SLC22A24: variants seen among roughly 807,000 people sequenced by gnomAD.
The protein encoded by SLC22A24 is steroid transmembrane transporter SLC22A24.
A neutral mutation model predicts 49.8 loss-of-function variants in SLC22A24; 53 were observed. The observed-to-expected ratio is 1.06, with a 90% CI of 0.85 to 1.34. The LOEUF is 1.34. Among genes scored for constraint, SLC22A24 ranks in the 40% most tolerant of loss-of-function variants. SLC22A24 has a pLI of 0.00. For missense variants in SLC22A24, 786 were observed against 675.9 expected (o/e 1.16, Z -1.81); for synonymous variants, 302 against 256.4 (o/e 1.18, Z -1.70).
intron 2 of SLC22A24, among the ~76,000 whole-genome samples, chr11:63,124,284 A>G (rs1385068624): frequency 6.6e-6 from 1 of 152,162 alleles, no homozygotes. Context: ...AATACTGTTG[A>G]GTGTCATCTA....
At chr11:63,106,041 A>C (rs1173429677) in intron 4 of SLC22A24, among the ~76,000 whole-genome samples, 2 of 151,290 alleles carry the variant, frequency 1.3e-5, no homozygotes, top group Non-Finnish European at 1.5e-5. Context: ...TTAACTCGTC[A>C]TTTAGCATTA....
intron 2 of SLC22A24, 125 bp from the exon 3 acceptor site, chr11:63,119,460 C>G: frequency 1.1e-6 from 1 of 907,256 alleles, no homozygotes; most frequent in South Asian, 1.9e-5. Context: ...TGCTTGACAC[C>G]GGGTGGCATA....
intron 1 of SLC22A24, among the ~76,000 whole-genome samples, chr11:63,137,356 T>G (rs1349711199): frequency 6.6e-6 from 1 of 152,138 alleles, no homozygotes; most frequent in East Asian, 1.9e-4. Context: ...GTGAAAGGGA[T>G]CTCACAAGGG....
intron 6 of SLC22A24, among the ~76,000 whole-genome samples, chr11:63,086,408 C>G (rs2086987311): frequency 1.3e-5 from 2 of 152,122 alleles, no homozygotes; most frequent in Admixed American, 1.3e-4. Flanking sequence ...AGCTAGAGGC[C>G]ATTATCCTAA....
chr11:63,131,124 T>C (rs2134678018), intron 2 of SLC22A24, among the ~76,000 whole-genome samples: 1 of 152,276 alleles, frequency 6.6e-6, no homozygotes, highest in Non-Finnish European at 1.5e-5. Flanking sequence ...TTCCATTTGC[T>C]TGGTAGATCT....
In SLC22A24 at chr11:63,119,015, C is replaced by T. The variant is rs577995690; in HGVS notation, c.727G>A (p.Val243Ile). ...TIMVLLCSYS[V>I]GQMLLGGLAF... is the part of the protein sequence containing the mutation. ...AGCCCTCCTAGGAGCATCTGCCCAA[C>T]ACTGTAGGAACATAATAGCACCATT... Residue 243 changes from valine to isoleucine, a missense_variant, in exon 4 of 10, where the codon GTT becomes ATT. By Grantham distance (29) the Val-to-Ile change is conservative. Transcript: ENST00000612278. The T allele has an allele frequency of 2.1e-5, 32 of 1,551,682 alleles. No individual in the cohort carries two copies. The East Asian group carries it at 6.6e-4, about 32-fold the overall frequency.
At position 63,113,679 on chromosome 11, in the gene SLC22A24, C is replaced by A. The variant is rs565394793; in HGVS notation, c.830+5233G>T. On this transcript the variant is annotated intron_variant, in intron 4 of 9. Coordinates refer to ENST00000612278, the MANE Select transcript of SLC22A24 (RefSeq NM_001136506.2). ...GAACATCCTGGCTAATGCAGTGAAA[C>A]CCCATCTCTACTAAAAATACAAAAA... is the stretch of plus-strand genomic sequence containing the variant. 2.6e-4 allele frequency among the ~76,000 whole-genome samples: 40 copies of A among 152,008 alleles called. 1 individual carries two copies. In the South Asian group the frequency reaches 8.1e-3, roughly 31 times the overall value.
intron 9 of SLC22A24, among the ~76,000 whole-genome samples, 185 bp downstream of exon 9, chr11:63,080,735 G>A (rs957936451): frequency 6.6e-6 from 1 of 152,184 alleles, no homozygotes; most frequent in Non-Finnish European, 1.5e-5. Flanking sequence ...GGCCTCAAGA[G>A]TCTGACTCCA....
chr11:63,082,689 T>C (rs2086966704), intron 7 of SLC22A24, among the ~76,000 whole-genome samples: 1 of 152,252 alleles, frequency 6.6e-6, no homozygotes, highest in South Asian at 2.1e-4. Flanking sequence ...TCATTTATGG[T>C]TGAAGACAAG....
chr11:63,133,934 C>G (rs549090149), intron 2 of SLC22A24, among the ~76,000 whole-genome samples: 19 of 152,284 alleles, frequency 1.2e-4, no homozygotes, highest in Non-Finnish European at 2.5e-4. Context: ...CGTGAGCCAC[C>G]GTGCCCACTC....
Position 63,119,006 on chromosome 11 carries a change from T to C in SLC22A24, c.736A>G (p.Met246Val). The change falls in exon 4 of 10, where the codon ATG becomes GTG. Residue 246 changes from methionine (M) to valine (V), a missense_variant. By Grantham distance (21) the Met-to-Val change is conservative (BLOSUM62 1). Coordinates refer to ENST00000612278, the MANE Select transcript of SLC22A24 (RefSeq NM_001136506.2). ...VLLCSYSVGQ[M>V]LLGGLAFAIQ... is the part of the protein sequence containing the mutation. The stretch of plus-strand genomic sequence containing the variant: ...GCAAAAGCCAGCCCTCCTAGGAGCA[T>C]CTGCCCAACACTGTAGGAACATAAT... The C allele has an allele frequency of 6.4e-6, 10 of 1,551,762 alleles. No homozygotes were observed. Among genetic ancestry groups the C allele is most frequent in the Non-Finnish European group, 8.7e-6 (10 of 1,146,950 alleles).
chr11:63,093,846 G>A (rs759485638), intron 6 of SLC22A24, among the ~76,000 whole-genome samples: 1 of 151,816 alleles, frequency 6.6e-6, no homozygotes, highest in East Asian at 1.9e-4. Flanking sequence ...AACTTAAAAT[G>A]TAAGTTAAAA....
At chr11:63,086,751 A>G (rs941450988) in intron 6 of SLC22A24, among the ~76,000 whole-genome samples, 34 of 152,326 alleles carry the variant, frequency 2.2e-4, no homozygotes, top group African/African-American at 8.2e-4. Flanking sequence ...ATTTAGAATA[A>G]AAATACAATA....
At chr11:63,100,341 A>G (rs1014262409) in intron 5 of SLC22A24, among the ~76,000 whole-genome samples, 8 of 152,130 alleles carry the variant, frequency 5.3e-5, no homozygotes, top group Admixed American at 2.0e-4. Context: ...TAAAATACCT[A>G]GGAATAAATT....
chr11:63,141,870 G>A (rs987647648), intron 1 of SLC22A24, among the ~76,000 whole-genome samples: 20 of 152,210 alleles, frequency 1.3e-4, no homozygotes, highest in African/African-American at 4.6e-4. Context: ...ATCATAATTT[G>A]TTTTTAATAA....
chr11:63,090,710 A>C (rs1005017321), intron 6 of SLC22A24, among the ~76,000 whole-genome samples: 5 of 149,930 alleles, frequency 3.3e-5, no homozygotes, highest in South Asian at 2.1e-4. Context: ...CTTAAAAAAA[A>C]AAGAAGTTAT....
chr11:63,081,672 G>A lies in SLC22A24; in HGVS notation c.1286-6C>T. On this transcript the variant is annotated splice_polypyrimidine_tract_variant and splice_region_variant and intron_variant, in intron 7 of 9. Coordinates refer to ENST00000612278, the MANE Select transcript of SLC22A24 (RefSeq NM_001136506.2). ...CACACGCAGGATCTGCATTTCTAGA[G>A]AGAACAGTGAGAATCAGGAAATCTT... 6.5e-7 allele frequency: 1 copy of A among 1,531,686 alleles called. No homozygotes were observed. The highest frequency in any genetic ancestry group is 8.9e-7 in the Non-Finnish European group (1 of 1,128,866). 94.9% of individuals were successfully genotyped at this position (1,531,686 alleles called of 1,614,324 possible). A position where few individuals can be genotyped will look rare whatever the true frequency, so the allele number is the denominator to read the frequency against.
chr11:63,084,632 C>T (rs1014711383), intron 6 of SLC22A24, among the ~76,000 whole-genome samples: 13 of 152,136 alleles, frequency 8.5e-5, no homozygotes, highest in African/African-American at 2.9e-4. Context: ...ATTTGATCAT[C>T]CACCATGCCC....
At chr11:63,083,136 G>T in intron 7 of SLC22A24, 107 bp downstream of exon 7, 1 of 849,562 alleles carries the variant, frequency 1.2e-6, no homozygotes, top group African/African-American at 1.7e-5. Flanking sequence ...GAATCTTTTG[G>T]CTGTCAAGGG....
Sources: allele counts gnomAD v4.1 joint callset (sites outside exome capture counted in the v4.1 genomes callset), GRCh38; gene constraint gnomAD v4.1.1; transcripts MANE v1.5; gene names NCBI Gene and HGNC (gene_info 2026-07-23, HGNC 2026-07-21).